Variants in DAP observed in about 807,000 individuals in gnomAD.
DAP encodes death-associated protein 1.
DAP carries 8 observed loss-of-function variants against 13.8 expected under a neutral mutation model. That is an observed-to-expected ratio of 0.58 (90% CI 0.34 to 1.05). The LOEUF is 1.05. Among genes scored for constraint, DAP ranks in the 50% least tolerant of loss-of-function variants. The pLI is 0.03. For synonymous variants in DAP, 47 were observed against 47.5 expected, an observed-to-expected ratio of 0.99 and a Z score of 0.04; for missense variants, 106 against 133.2, an observed-to-expected ratio of 0.80 and a Z score of 1.01.
At chr5:10,722,579 TATATATAC>T (rs56080754) in intron 2 of DAP, among the ~76,000 whole-genome samples, 9,008 of 146,240 alleles carry the variant, frequency 0.062, 327 homozygotes, top group Middle Eastern at 0.09. Context: ...CATACATACA[TATATATAC>T]ATATATACAT....
intron 2 of DAP, among the ~76,000 whole-genome samples, chr5:10,709,945 A>G (rs1738800514): frequency 6.6e-6 from 1 of 152,178 alleles, no homozygotes; most frequent in South Asian, 2.1e-4. Flanking sequence ...TATATACTAC[A>G]TAAGCCTTCC....
At chr5:10,704,980 T>C (rs770726912) in intron 2 of DAP, among the ~76,000 whole-genome samples, 2 of 152,176 alleles carry the variant, frequency 1.3e-5, no homozygotes, top group African/African-American at 4.8e-5. Context: ...AACCTCAGAA[T>C]TGTGGCCCAA....
In DAP at chr5:10,722,524, ATACAT is replaced by A. The variant is rs1234081403; in HGVS notation, c.152+25646_152+25650del. Among the ~76,000 whole-genome samples, 95 of 144,316 alleles carry A rather than the reference ATACAT, an allele frequency of 6.6e-4. 1 individual carries two copies. The highest frequency in any genetic ancestry group is 2.3e-3 in the African/African-American group (89 of 38,472). The allele number at this position is 144,316 out of a possible 152,430, so 94.7% of individuals were successfully genotyped here. A position where few individuals can be genotyped will look rare whatever the true frequency, so the allele number is the denominator to read the frequency against. On this transcript the variant is annotated intron_variant, in intron 2 of 3. Coordinates refer to ENST00000230895, the MANE Select transcript of DAP (RefSeq NM_004394.3). ...CACATACATATGCATACATATACATATACATGCATATATATACATATATACATATA... is the reference window on the plus strand; with the variant it reads ...CACATACATATGCATACATATACATAGCATATATATACATATATACATATA...
At chr5:10,704,431 G>A (rs917211101) in intron 2 of DAP, among the ~76,000 whole-genome samples, 11 of 152,012 alleles carry the variant, frequency 7.2e-5, no homozygotes, top group Non-Finnish European at 1.3e-4. Context: ...GGCACTTTCC[G>A]CTCACCACTT....
At chr5:10,717,056 A>G (rs1007750992) in intron 2 of DAP, among the ~76,000 whole-genome samples, 8 of 152,236 alleles carry the variant, frequency 5.3e-5, no homozygotes, top group Non-Finnish European at 1.2e-4. Context: ...GCTTGTGAGA[A>G]GCAAGGAGTT....
intron 2 of DAP, among the ~76,000 whole-genome samples, chr5:10,723,037 G>C (rs1215916629): frequency 6.6e-6 from 1 of 152,292 alleles, no homozygotes; most frequent in Middle Eastern, 3.4e-3. Context: ...CCATCTTTCA[G>C]AGTCATGTCC....
Position 10,687,020 on chromosome 5 carries a change from G to C in DAP, c.153-3449C>G, listed in dbSNP as rs547305076. On this transcript the variant is annotated intron_variant, in intron 2 of 3. Coordinates refer to ENST00000230895, the MANE Select transcript of DAP (RefSeq NM_004394.3). The stretch of plus-strand genomic sequence containing the variant: ...TCATTTACCATTCCAAACATCCTAG[G>C]GCCCTTACGAATTACATAAAATCTA... Among the ~76,000 whole-genome samples, 3 of 152,166 alleles carry C rather than the reference G, an allele frequency of 2.0e-5. No homozygotes were observed. In the East Asian group the frequency reaches 5.8e-4, roughly 29 times the overall value.
intron 2 of DAP, among the ~76,000 whole-genome samples, chr5:10,728,870 C>T (rs1739360092): frequency 6.6e-6 from 1 of 152,116 alleles, no homozygotes; most frequent in African/African-American, 2.4e-5. Flanking sequence ...AGCCCCATCC[C>T]CAGAATCAAT....
Position 10,759,381 on chromosome 5 carries a change from T to C in DAP, c.55+1633A>G, listed in dbSNP as rs1187453164. Among the ~76,000 whole-genome samples the C allele has an allele frequency of 2.6e-5, 4 of 152,134 alleles. No homozygotes were observed. The East Asian group carries it at 7.7e-4, about 29-fold the overall frequency. On this transcript the variant is annotated intron_variant, in intron 1 of 3. Coordinates refer to ENST00000230895, the MANE Select transcript of DAP (RefSeq NM_004394.3). Reference sequence around the variant, plus strand: ...GAAATCAAGGCGCTCCTCCCCACAGTGGACAGGGACCCGCTGTGGTGGAAT... The same window carrying C: ...GAAATCAAGGCGCTCCTCCCCACAGCGGACAGGGACCCGCTGTGGTGGAAT...
chr5:10,692,073 C>T (rs920878519), intron 2 of DAP, among the ~76,000 whole-genome samples: 53 of 152,220 alleles, frequency 3.5e-4, no homozygotes, highest in African/African-American at 1.3e-3. Flanking sequence ...ATCATCAAGA[C>T]TGAGTTTGAT....
chr5:10,693,849 A>T (rs1292590530), intron 2 of DAP, among the ~76,000 whole-genome samples: 1 of 152,250 alleles, frequency 6.6e-6, no homozygotes, highest in Non-Finnish European at 1.5e-5. Flanking sequence ...TTCTGACTTG[A>T]TAGTGGATTT....
At chr5:10,696,262 A>G (rs953805036) in intron 2 of DAP, among the ~76,000 whole-genome samples, 1 of 152,198 alleles carries the variant, frequency 6.6e-6, no homozygotes, top group African/African-American at 2.4e-5. Context: ...AATTCATCAC[A>G]TATACAGAAG....
At chr5:10,705,749 T>G (rs1738682862) in intron 2 of DAP, among the ~76,000 whole-genome samples, 1 of 152,204 alleles carries the variant, frequency 6.6e-6, no homozygotes, top group South Asian at 2.1e-4. Flanking sequence ...TAAGGTGCAG[T>G]CATACCTTTG....
intron 2 of DAP, among the ~76,000 whole-genome samples, chr5:10,692,207 T>C (rs1374767816): frequency 6.8e-6 from 1 of 147,468 alleles, no homozygotes. Context: ...TACCCCAACA[T>C]GTAACTCATA....
At chr5:10,702,364 A>G (rs1218437554) in intron 2 of DAP, among the ~76,000 whole-genome samples, 2 of 151,410 alleles carry the variant, frequency 1.3e-5, no homozygotes, top group African/African-American at 4.9e-5. Flanking sequence ...GCCCGCCTCA[A>G]AGGCTTGCAA....
At chr5:10,710,989 G>A in intron 2 of DAP, among the ~76,000 whole-genome samples, 1 of 152,220 alleles carries the variant, frequency 6.6e-6, no homozygotes, top group East Asian at 1.9e-4. Context: ...TGTGTTGTGT[G>A]AGGACAGAAG....
At chr5:10,718,950 C>T (rs1739064230) in intron 2 of DAP, among the ~76,000 whole-genome samples, 2 of 152,188 alleles carry the variant, frequency 1.3e-5, no homozygotes, top group Admixed American at 6.5e-5. Context: ...ACATTGATGA[C>T]CTTATGCTGA....
intron 2 of DAP, among the ~76,000 whole-genome samples, chr5:10,725,199 G>A (rs1223022003): frequency 1.1e-4 from 17 of 152,276 alleles, no homozygotes; most frequent in Admixed American, 1.0e-3. Flanking sequence ...TTTGGTAGAG[G>A]TGAGTCATTG....
At chr5:10,715,475 G>T (rs192944898) in intron 2 of DAP, among the ~76,000 whole-genome samples, 2 of 152,146 alleles carry the variant, frequency 1.3e-5, no homozygotes, top group African/African-American at 4.8e-5. Context: ...AGCTGCCGGG[G>T]GCTTCCTACA....
Sources: allele counts gnomAD v4.1 joint callset (sites outside exome capture counted in the v4.1 genomes callset), GRCh38; gene constraint gnomAD v4.1.1; transcripts MANE v1.5; gene names NCBI Gene and HGNC (gene_info 2026-07-23, HGNC 2026-07-21).